The following GRID2 variants were observed in gnomAD, a reference collection of about 807,000 sequenced individuals.
The protein encoded by GRID2 is glutamate receptor ionotropic, delta-2.
Under a neutral mutation model 114.8 loss-of-function variants are expected in GRID2, and 33 were observed. That is an observed-to-expected ratio of 0.29 (90% CI 0.22 to 0.38). GRID2 has a LOEUF of 0.38. GRID2 is among the 10% of genes least tolerant of loss of function. The pLI is 1.00. For missense variants in GRID2, 1,184 were observed against 1,257.7 expected, an observed-to-expected ratio of 0.94 and a Z score of 0.89; for synonymous variants, 505 against 449.9, an observed-to-expected ratio of 1.12 and a Z score of -1.55.
At chr4:92,895,384 C>CATAT (rs10528035) in intron 2 of GRID2, among the ~76,000 whole-genome samples, 1,167 of 108,146 alleles carry the variant, frequency 0.011, 88 homozygotes, top group African/African-American at 0.051. Context: ...ATGTAGAAAA[C>CATAT]ATATATATAT....
intron 2 of GRID2, among the ~76,000 whole-genome samples, chr4:92,968,590 A>T (rs1201575779): frequency 6.6e-6 from 1 of 151,926 alleles, no homozygotes; most frequent in East Asian, 1.9e-4. Flanking sequence ...TCCTTAATTT[A>T]TGGAGGTAAT....
At chr4:93,294,943 G>C (rs1405558377) in intron 8 of GRID2, among the ~76,000 whole-genome samples, 1 of 152,146 alleles carries the variant, frequency 6.6e-6, no homozygotes, top group Non-Finnish European at 1.5e-5. Flanking sequence ...TAATTTATCG[G>C]ATAGGGTGTG....
chr4:93,164,178 G>A (rs902635230), intron 4 of GRID2, among the ~76,000 whole-genome samples: 2 of 151,852 alleles, frequency 1.3e-5, no homozygotes, highest in Admixed American at 1.3e-4. Context: ...AGGTAATTTA[G>A]AAAAGAAAAT....
Position 92,903,249 on chromosome 4 carries a change from A to C in GRID2, c.245-181746A>C, listed in dbSNP as rs562760591. ...CTGCCATCTTGAAGGGAAAAAAAAA[A>C]CCCACAACATTTTAAATGAATAAAA... On this transcript the variant is annotated intron_variant, in intron 2 of 15. Coordinates refer to ENST00000282020, the MANE Select transcript of GRID2 (RefSeq NM_001510.4). Among the ~76,000 whole-genome samples the C allele has an allele frequency of 2.9e-3, 443 of 151,810 alleles. 1 individual carries two copies. Among genetic ancestry groups the C allele is most frequent in the Middle Eastern group, 6.8e-3 (2 of 294 alleles).
intron 1 of GRID2, among the ~76,000 whole-genome samples, chr4:92,567,779 T>G (rs576530876): frequency 5.3e-5 from 8 of 152,194 alleles, no homozygotes; most frequent in Non-Finnish European, 7.4e-5. Flanking sequence ...TTTTAAAATA[T>G]TCAATCATAT....
At chr4:92,538,866 C>G (rs148339994) in intron 1 of GRID2, among the ~76,000 whole-genome samples, 2,684 of 151,986 alleles carry the variant, frequency 0.018, 40 homozygotes, top group Middle Eastern at 0.054. Context: ...CACCATGAAA[C>G]CCCGTCTCTA....
At chr4:93,355,489 C>T (rs1439542841) in intron 8 of GRID2, among the ~76,000 whole-genome samples, 1 of 152,010 alleles carries the variant, frequency 6.6e-6, no homozygotes, top group Non-Finnish European at 1.5e-5. Context: ...GGCCATATCT[C>T]AAGAGCAAGT....
At chr4:92,617,222 GT>G (rs1364790693) in intron 2 of GRID2, among the ~76,000 whole-genome samples, 1 of 150,658 alleles carries the variant, frequency 6.6e-6, no homozygotes, top group Non-Finnish European at 1.5e-5. Flanking sequence ...TTCTACTTTT[GT>G]TTTTTAAAGG....
intron 13 of GRID2, among the ~76,000 whole-genome samples, chr4:93,579,654 C>G (rs1188859039): frequency 6.6e-6 from 1 of 152,026 alleles, no homozygotes; most frequent in East Asian, 1.9e-4. Context: ...TTAATTTTGC[C>G]AGACAACTGA....
chr4:92,494,644 G>A (rs1723304181), intron 1 of GRID2, among the ~76,000 whole-genome samples: 1 of 151,918 alleles, frequency 6.6e-6, no homozygotes, highest in South Asian at 2.1e-4. Flanking sequence ...ATAATTGCTG[G>A]CACACATAAA....
At chr4:92,966,850 T>A (rs977103435) in intron 2 of GRID2, among the ~76,000 whole-genome samples, 1 of 151,958 alleles carries the variant, frequency 6.6e-6, no homozygotes, top group Non-Finnish European at 1.5e-5. Flanking sequence ...CTTTTGAAAG[T>A]ATAGAAAATA....
chr4:93,663,358 A>G (rs1723667983), intron 14 of GRID2, among the ~76,000 whole-genome samples: 1 of 152,202 alleles, frequency 6.6e-6, no homozygotes, highest in Non-Finnish European at 1.5e-5. Context: ...TGTGTCCCCC[A>G]AAACCATTTG....
intron 1 of GRID2, among the ~76,000 whole-genome samples, chr4:92,431,694 C>G (rs965827938): frequency 5.9e-5 from 9 of 151,636 alleles, no homozygotes; most frequent in Non-Finnish European, 1.2e-4. Context: ...TTCCTCAAAA[C>G]AGCCAGTTTG....
At chr4:92,899,399 C>T (rs1205961075) in intron 2 of GRID2, among the ~76,000 whole-genome samples, 1 of 152,048 alleles carries the variant, frequency 6.6e-6, no homozygotes, top group African/African-American at 2.4e-5. Context: ...AAGGCATATT[C>T]TGAGGAAGCA....
At chr4:93,655,419 C>A (rs1464560243) in intron 14 of GRID2, among the ~76,000 whole-genome samples, 1 of 151,968 alleles carries the variant, frequency 6.6e-6, no homozygotes, top group African/African-American at 2.4e-5. Context: ...AGAAATTATG[C>A]TGGACATGAA....
At chr4:92,312,239 C>A (rs1023362179) in intron 1 of GRID2, among the ~76,000 whole-genome samples, 3 of 152,044 alleles carry the variant, frequency 2.0e-5, no homozygotes, top group Non-Finnish European at 4.4e-5. Context: ...TCTGTAGGGA[C>A]TTACAGGCCA....
intron 1 of GRID2, among the ~76,000 whole-genome samples, chr4:92,566,551 A>G (rs931744048): frequency 3.9e-5 from 6 of 151,974 alleles, no homozygotes; most frequent in African/African-American, 1.4e-4. Context: ...TCTTTGGAAA[A>G]CATGTTGAGA....
Position 92,821,295 on chromosome 4 carries a change from C to T in GRID2, c.244+231009C>T, listed in dbSNP as rs114146584. ...AGCACACCAAAATTAGGATGGTCAG[C>T]GCCTCTGGCAATGAGGGAATGGGAT... On this transcript the variant is annotated intron_variant, in intron 2 of 15. Coordinates refer to ENST00000282020, the MANE Select transcript of GRID2 (RefSeq NM_001510.4). Among the ~76,000 whole-genome samples, 789 of 152,114 alleles carry T rather than the reference C, an allele frequency of 5.2e-3. 2 individuals carry two copies. Among genetic ancestry groups the T allele is most frequent in the African/African-American group, 0.018 (755 of 41,496 alleles).
At chr4:92,720,037 T>C (rs947280997) in intron 2 of GRID2, among the ~76,000 whole-genome samples, 8 of 152,112 alleles carry the variant, frequency 5.3e-5, no homozygotes, top group Non-Finnish European at 1.0e-4. Context: ...CATAAATACA[T>C]ATATTAAGAA....
Sources: gnomAD v4.1 joint callset for allele counts (sites outside exome capture counted in the v4.1 genomes callset) on GRCh38, gnomAD v4.1.1 for gene constraint, MANE v1.5 for transcripts, NCBI Gene and HGNC (gene_info 2026-07-23, HGNC 2026-07-21) for gene names.